The following TXNL1 variants were observed in gnomAD, a reference collection of about 807,000 sequenced individuals.
TXNL1 encodes the protein thioredoxin like 1, also known as thioredoxin-like protein 1.
TXNL1 carries 14 observed loss-of-function variants against 35.5 expected under a neutral mutation model. The ratio of observed to expected loss-of-function variants is 0.39; its 90% CI spans 0.26 to 0.62. The LOEUF (loss-of-function observed/expected upper bound fraction) is 0.62. TXNL1 is among the 20% of genes least tolerant of loss of function. The pLI, the probability that TXNL1 is intolerant of heterozygous loss-of-function variation, is 0.47. For synonymous variants in TXNL1, 110 were observed against 115.5 expected, an observed-to-expected ratio of 0.95 and a Z score of 0.31; for missense variants, 263 against 349.7, an observed-to-expected ratio of 0.75 and a Z score of 1.98.
intron 7 of TXNL1, among the ~76,000 whole-genome samples, chr18:56,606,335 C>G (rs952870798): frequency 1.3e-5 from 2 of 152,144 alleles, no homozygotes; most frequent in Admixed American, 6.5e-5. Context: ...CGAGATCACA[C>G]CACTGCACTC....
intron 1 of TXNL1, among the ~76,000 whole-genome samples, chr18:56,629,720 T>G (rs1320350668): frequency 6.6e-6 from 1 of 152,196 alleles, no homozygotes; most frequent in African/African-American, 2.4e-5. Flanking sequence ...GAATTTAGTG[T>G]TAACTGCATT....
intron 7 of TXNL1, chr18:56,604,429 T>G (rs2023856547): frequency 6.6e-6 from 1 of 152,222 alleles, no homozygotes; most frequent in Non-Finnish European, 1.5e-5. Flanking sequence ...GACACAAATC[T>G]GCATACTGTT....
chr18:56,608,038 G>T (rs1428407751), intron 7 of TXNL1, among the ~76,000 whole-genome samples: 1 of 152,136 alleles, frequency 6.6e-6, no homozygotes, highest in Admixed American at 6.6e-5. Flanking sequence ...TATGTACAGG[G>T]TTTGTTAGTG....
chr18:56,630,596 C>T (rs2024355143), intron 1 of TXNL1, among the ~76,000 whole-genome samples: 1 of 152,196 alleles, frequency 6.6e-6, no homozygotes, highest in African/African-American at 2.4e-5. Flanking sequence ...ACCAATACAA[C>T]TTCCATATCA....
intron 5 of TXNL1, among the ~76,000 whole-genome samples, chr18:56,615,331 G>C (rs2024066369): frequency 7.5e-6 from 1 of 133,966 alleles, no homozygotes; most frequent in Non-Finnish European, 1.6e-5. Flanking sequence ...AAATTTAGCA[G>C]AACAAATAAG....
At chr18:56,628,168 C>T (rs754828564) in intron 1 of TXNL1, among the ~76,000 whole-genome samples, 1 of 151,968 alleles carries the variant, frequency 6.6e-6, no homozygotes, top group Admixed American at 6.6e-5. Flanking sequence ...CAGGGATACC[C>T]GGGAAATGCA....
chr18:56,627,155 G>A (rs1335168101), intron 1 of TXNL1, among the ~76,000 whole-genome samples: 1 of 151,958 alleles, frequency 6.6e-6, no homozygotes, highest in Non-Finnish European at 1.5e-5. Flanking sequence ...ACATATACTT[G>A]TATCAATACT....
Position 56,626,376 on chromosome 18 carries a change from AT to A in TXNL1, c.179del (p.Asp60ValfsTer27). The A allele has an allele frequency of 6.2e-7, 1 of 1,613,266 alleles. No individual in the cohort carries two copies. Among genetic ancestry groups the A allele is most frequent in the Non-Finnish European group, 8.5e-7 (1 of 1,179,766 alleles). On this transcript the variant is annotated frameshift_variant, in exon 2 of 8. Coordinates refer to ENST00000217515, the MANE Select transcript of TXNL1 (RefSeq NM_004786.3). LOFTEE classifies it high-confidence loss of function. Reference protein sequence around the residue: ...KYPQAVFLEVDVHQCQGTAAT... With the variant: ...KYPQAVFLEVXVHQCQGTAAT... ...TTTCCCTTACCTGACACTGATGTACATCGACTTCCAAGAAAACAGCCTGTGG... is the reference window on the plus strand; with the variant it reads ...TTTCCCTTACCTGACACTGATGTACACGACTTCCAAGAAAACAGCCTGTGG...
At position 56,624,141 on chromosome 18, in the gene TXNL1, T is replaced by C. The variant is rs140566570; in HGVS notation, c.369+147A>G. 1,536 of 814,184 alleles carry C rather than the reference T, an allele frequency of 1.9e-3. 59 individuals are homozygous for C. The East Asian group carries it at 0.041, about 22-fold the overall frequency. 50.4% of individuals were successfully genotyped at this position (814,184 alleles called of 1,614,324 possible). ...TACACATACAGACAAAACTCAATAG[T>C]CAGCTAATAAATTTGAAAGCTCTTA... is the stretch of plus-strand genomic sequence containing the variant. On this transcript the variant is annotated intron_variant, in intron 3 of 7. Transcript: ENST00000217515.
chr18:56,616,131 CAAAA>C (rs778338602), intron 5 of TXNL1, 110 bp downstream of exon 5: 339 of 688,590 alleles, frequency 4.9e-4, no homozygotes, highest in Middle Eastern at 9.5e-4. Context: ...GACTCTGTCT[CAAAA>C]AAAAAAAAAA....
Position 56,611,650 on chromosome 18 carries a change from G to T in TXNL1, c.736-553C>A, listed in dbSNP as rs559322212. Among the ~76,000 whole-genome samples the T allele has an allele frequency of 3.9e-5, 6 of 152,098 alleles. No homozygotes were observed. In the South Asian group the frequency reaches 1.0e-3, roughly 26 times the overall value. ...AAGAGACCCATATATATAAGTTCAT[G>T]GTAACTTGGTGTGATAGTATGGCAG... On this transcript the variant is annotated intron_variant, in intron 6 of 7. Transcript: ENST00000217515.
chr18:56,620,905 G>C (rs2024169113), intron 3 of TXNL1, among the ~76,000 whole-genome samples: 1 of 152,184 alleles, frequency 6.6e-6, no homozygotes, highest in South Asian at 2.1e-4. Flanking sequence ...TCAGGGTAAC[G>C]TATAGCCAAT....
chr18:56,616,326 A>G lies in TXNL1; in HGVS notation c.493-12T>C. 6.2e-7 allele frequency: 1 copy of G among 1,612,910 alleles called. No individual in the cohort carries two copies. Among genetic ancestry groups the G allele is most frequent in the Non-Finnish European group, 8.5e-7 (1 of 1,179,338 alleles). ...ACAGTAATAAGCAGCTGTGAAGATAAGAGTTTCATTTTAAAGGGCTCTTGT... is the reference window on the plus strand; with the variant it reads ...ACAGTAATAAGCAGCTGTGAAGATAGGAGTTTCATTTTAAAGGGCTCTTGT... On this transcript the variant is annotated splice_polypyrimidine_tract_variant and intron_variant, in intron 4 of 7. Transcript: ENST00000217515.
intron 5 of TXNL1, among the ~76,000 whole-genome samples, chr18:56,615,497 T>G (rs2024071823): frequency 6.6e-6 from 1 of 151,794 alleles, no homozygotes; most frequent in Non-Finnish European, 1.5e-5. Context: ...GGAAAATTCT[T>G]TATTTTACAA....
intron 1 of TXNL1, among the ~76,000 whole-genome samples, chr18:56,627,882 C>T (rs1400849804): frequency 2.0e-5 from 3 of 150,548 alleles, no homozygotes; most frequent in African/African-American, 7.3e-5. Context: ...GTTTGACAGA[C>T]TGGACTATAT....
chr18:56,612,431 G>T (rs1486965999), intron 6 of TXNL1, among the ~76,000 whole-genome samples: 1 of 151,548 alleles, frequency 6.6e-6, no homozygotes, highest in Non-Finnish European at 1.5e-5. Context: ...CCCTCAGCAC[G>T]ATAAAAACTA....
intron 7 of TXNL1, among the ~76,000 whole-genome samples, chr18:56,607,364 G>C (rs1007431241): frequency 6.0e-5 from 9 of 150,102 alleles, no homozygotes; most frequent in African/African-American, 2.2e-4. Context: ...TACTATGTTT[G>C]CCAGCTGGTC....
At chr18:56,631,403 C>G (rs779659361) in intron 1 of TXNL1, among the ~76,000 whole-genome samples, 9 of 152,072 alleles carry the variant, frequency 5.9e-5, no homozygotes, top group Admixed American at 2.0e-4. Flanking sequence ...CTGCCCTTTG[C>G]ACAATCTACG....
chr18:56,612,731 C>T (rs925475002), intron 6 of TXNL1, among the ~76,000 whole-genome samples: 9 of 151,980 alleles, frequency 5.9e-5, no homozygotes, highest in Admixed American at 5.2e-4. Flanking sequence ...GCCACTCATT[C>T]GTCAGTTTTT....
Sources: allele counts gnomAD v4.1 joint callset (sites outside exome capture counted in the v4.1 genomes callset), GRCh38; gene constraint gnomAD v4.1.1; transcripts MANE v1.5; gene names NCBI Gene and HGNC (gene_info 2026-07-23, HGNC 2026-07-21).